PELI1: variants seen among roughly 807,000 people sequenced by gnomAD.
PELI1 encodes the protein pellino E3 ubiquitin protein ligase 1, also known as E3 ubiquitin-protein ligase pellino homolog 1.
PELI1 carries 15 observed loss-of-function variants against 41.3 expected under a neutral mutation model. The ratio of observed to expected loss-of-function variants is 0.36; its 90% CI spans 0.24 to 0.56. The LOEUF (loss-of-function observed/expected upper bound fraction) is 0.56. Among genes scored for constraint, PELI1 ranks in the 20% least tolerant of loss-of-function variants. The pLI, the probability that PELI1 is intolerant of heterozygous loss-of-function variation, is 0.82. For synonymous variants in PELI1, 178 were observed against 180.1 expected, an observed-to-expected ratio of 0.99 and a Z score of 0.09; for missense variants, 403 against 525.5, an observed-to-expected ratio of 0.77 and a Z score of 2.28.
In PELI1 at chr2:64,100,432, T is replaced by A; in HGVS notation, c.269A>T (p.Glu90Val). Residue 90 changes from glutamate to valine, a missense_variant, in exon 4 of 7, where the codon GAA becomes GTA. Physicochemically the swap from Glu to Val is moderately radical, Grantham distance 121. Coordinates refer to ENST00000358912, the MANE Select transcript of PELI1 (RefSeq NM_020651.4). ...ATCGGTGTTGCTGTCATGAGTATAT[T>A]CAACCACCACAGTCTGGGCCCGAGA... ...TLSRAQTVVV[E>V]YTHDSNTDMF... The A allele has an allele frequency of 6.4e-7, 1 of 1,572,548 alleles. No individual in the cohort carries two copies. Among genetic ancestry groups the A allele is most frequent in the Non-Finnish European group, 8.8e-7 (1 of 1,142,260 alleles).
intron 2 of PELI1, among the ~76,000 whole-genome samples, chr2:64,107,840 G>A (rs900819086): frequency 2.0e-5 from 3 of 152,090 alleles, no homozygotes; most frequent in Non-Finnish European, 4.4e-5. Flanking sequence ...ATCACGCCCG[G>A]CTAATTTTTG....
At chr2:64,139,456 A>C (rs1576107155) in intron 1 of PELI1, among the ~76,000 whole-genome samples, 3 of 151,682 alleles carry the variant, frequency 2.0e-5, no homozygotes, top group Middle Eastern at 3.4e-3. Flanking sequence ...CGTCCAGTTA[A>C]TTTTTTAAGA....
chr2:64,113,300 GAA>G (rs57291699), intron 1 of PELI1, among the ~76,000 whole-genome samples: 42,937 of 131,742 alleles, frequency 0.33, 6,922 homozygotes, highest in East Asian at 0.78. Context: ...CAAAAAAAAA[GAA>G]AAAAAAAAAA....
chr2:64,099,845 A>C (rs2103669840), intron 4 of PELI1, among the ~76,000 whole-genome samples: 1 of 152,342 alleles, frequency 6.6e-6, no homozygotes, highest in East Asian at 1.9e-4. Flanking sequence ...ATTGGTACAA[A>C]AAGTAAGAGA....
intron 1 of PELI1, among the ~76,000 whole-genome samples, chr2:64,108,659 T>C (rs1680701050): frequency 6.6e-6 from 1 of 152,184 alleles, no homozygotes; most frequent in Non-Finnish European, 1.5e-5. Context: ...GGACATTATA[T>C]ACAAAACATG....
At chr2:64,108,951 T>A (rs1680709594) in intron 1 of PELI1, among the ~76,000 whole-genome samples, 1 of 152,154 alleles carries the variant, frequency 6.6e-6, no homozygotes. Context: ...GAAAACAGTT[T>A]TGCCCCACCA....
intron 1 of PELI1, among the ~76,000 whole-genome samples, chr2:64,135,525 T>C (rs989436767): frequency 6.6e-6 from 1 of 152,104 alleles, no homozygotes; most frequent in Non-Finnish European, 1.5e-5. Flanking sequence ...CAGACAAACA[T>C]AGAAAACGCT....
Position 64,096,609 on chromosome 2 carries a change from A to G in PELI1, c.305T>C (p.Ile102Thr). 1 of 1,605,368 alleles carries G rather than the reference A, an allele frequency of 6.2e-7. No individual in the cohort carries two copies. The highest frequency in any genetic ancestry group is 8.5e-7 in the Non-Finnish European group (1 of 1,174,730). ...THDSNTDMFQ[I>T]GRSTESPIDF... ...AATGGGGCTTTCAGTCGACCGGCCA[A>G]TCTGAGGGAAAAAAAAAAATACCTA... The change falls in exon 5 of 7, where the codon ATT becomes ACT. Residue 102 changes from isoleucine (I) to threonine (T), a missense_variant and splice_region_variant. Physicochemically the swap from Ile to Thr is moderately conservative, Grantham distance 89. Transcript: ENST00000358912.
In PELI1 at chr2:64,104,842, A is replaced by G. The variant is rs747146802; in HGVS notation, c.72-12T>C. The stretch of plus-strand genomic sequence containing the variant: ...GAGACCCATTATACCTGATGGGGGA[A>G]AAAAAGTATAGGTGATCTCTTGCAA... On this transcript the variant is annotated splice_polypyrimidine_tract_variant and intron_variant, in intron 2 of 6. Transcript: ENST00000358912. The G allele has an allele frequency of 8.1e-6, 13 of 1,606,580 alleles. No homozygotes were observed. The highest frequency in any genetic ancestry group is 4.0e-5 in the African/African-American group (3 of 74,470).
At chr2:64,110,557 T>C (rs1460380856) in intron 1 of PELI1, among the ~76,000 whole-genome samples, 1 of 152,194 alleles carries the variant, frequency 6.6e-6, no homozygotes. Context: ...AAAAACACGG[T>C]AGCAAAAATA....
intron 1 of PELI1, among the ~76,000 whole-genome samples, chr2:64,109,757 C>A (rs1241963025): frequency 1.3e-5 from 2 of 152,092 alleles, no homozygotes; most frequent in Non-Finnish European, 2.9e-5. Flanking sequence ...GACAGAATTA[C>A]CTGACAAAGA....
At position 64,092,901 on chromosome 2, in the gene PELI1, C is replaced by A. The variant is rs1680102500; in HGVS notation, c.*1801G>T. On this transcript the variant is annotated 3_prime_UTR_variant, in exon 7 of 7. Coordinates refer to ENST00000358912, the MANE Select transcript of PELI1 (RefSeq NM_020651.4). ...TTACTTAGTTTAAATAAATTAATTG[C>A]AAATAAAAATTAAGCTACAATATAT... is the stretch of plus-strand genomic sequence containing the variant. 1 of 152,072 alleles carries A rather than the reference C, an allele frequency of 6.6e-6. No homozygotes were observed. The highest frequency in any genetic ancestry group is 1.5e-5 in the Non-Finnish European group (1 of 68,014). 9.4% of individuals were successfully genotyped at this position (152,072 alleles called of 1,614,324 possible).
chr2:64,125,282 T>C (rs1681347962), intron 1 of PELI1, among the ~76,000 whole-genome samples: 2 of 152,104 alleles, frequency 1.3e-5, no homozygotes, highest in Non-Finnish European at 1.5e-5. Flanking sequence ...ACCAGCCCCA[T>C]CCTGATGCCA....
chr2:64,094,717 T>C lies in PELI1; in HGVS notation c.1242A>G (p.Gln414=). 1 of 1,613,412 alleles carries C rather than the reference T, an allele frequency of 6.2e-7. No individual in the cohort carries two copies. Among genetic ancestry groups the C allele is most frequent in the Non-Finnish European group, 8.5e-7 (1 of 1,179,330 alleles). ...CAATGGTCTGTTAGTCTAGAGGTCC[T>C]TGAAAAATAAGTCTGATGTAGCCTT... is the stretch of plus-strand genomic sequence containing the variant. ...GEQGYIRLIF[Q]GPLD The change falls in exon 7 of 7, where the codon CAA becomes CAG. Residue 414 remains glutamine, a synonymous_variant. Transcript: ENST00000358912.
rs1332841009 is a variant in PELI1 at position 64,096,135 on chromosome 2, C to G, written c.680G>C (p.Arg227Thr). Residue 227 changes from arginine to threonine, a missense_variant, in exon 6 of 7, where the codon AGA (arginine) becomes ACA (threonine). Coordinates refer to ENST00000358912, the MANE Select transcript of PELI1 (RefSeq NM_020651.4). ...CCATTCAGTATTTACCATTTTTCCT[C>G]TCTGCTGAGCCGATCTGGTTTCACG... ...SLRETRSAQQRGKMVEIETNQ... is the reference protein window; with the variant it reads ...SLRETRSAQQTGKMVEIETNQ... 3 of 1,610,372 alleles carry G rather than the reference C, an allele frequency of 1.9e-6. No individual in the cohort carries two copies. The highest frequency in any genetic ancestry group is 2.5e-6 in the Non-Finnish European group (3 of 1,178,168).
intron 1 of PELI1, among the ~76,000 whole-genome samples, chr2:64,125,821 G>A (rs994933822): frequency 1.3e-5 from 2 of 152,152 alleles, no homozygotes; most frequent in African/African-American, 4.8e-5. Flanking sequence ...TGAGCAACAC[G>A]ACATCGTAAG....
chr2:64,130,193 T>C (rs1558485722), intron 1 of PELI1, among the ~76,000 whole-genome samples: 1 of 152,176 alleles, frequency 6.6e-6, no homozygotes, highest in African/African-American at 2.4e-5. Context: ...AAGAATTTCT[T>C]TTGAGATAAG....
chr2:64,101,850 C>G (rs1680446200), intron 3 of PELI1, among the ~76,000 whole-genome samples: 1 of 122,864 alleles, frequency 8.1e-6, no homozygotes, highest in African/African-American at 3.4e-5. Context: ...TTTTTGGAGA[C>G]AGAGTCTCGC....
chr2:64,122,191 C>G (rs1681242059), intron 1 of PELI1, among the ~76,000 whole-genome samples: 1 of 151,750 alleles, frequency 6.6e-6, no homozygotes, highest in African/African-American at 2.4e-5. Flanking sequence ...GCAAATGAAC[C>G]TGAATCTCAA....
Sources: allele counts gnomAD v4.1 joint callset (sites outside exome capture counted in the v4.1 genomes callset), GRCh38; gene constraint gnomAD v4.1.1; transcripts MANE v1.5; gene names NCBI Gene and HGNC (gene_info 2026-07-23, HGNC 2026-07-21).